The following ZNF566 variants were observed in gnomAD, a reference collection of about 807,000 sequenced individuals.
ZNF566 encodes zinc finger protein 566.
A neutral mutation model predicts 32.8 loss-of-function variants in ZNF566; 27 were observed. The ratio of observed to expected loss-of-function variants is 0.82; its 90% CI spans 0.61 to 1.14. The LOEUF is 1.14. ZNF566 is among the 50% of genes most tolerant of loss of function. ZNF566 has a pLI of 0.00. For synonymous variants in ZNF566, 154 were observed against 159.5 expected (o/e 0.97, Z 0.26); for missense variants, 402 against 490.4 (o/e 0.82, Z 1.70).
chr19:36,469,400 C>T (rs2033706575), intron 4 of ZNF566, among the ~76,000 whole-genome samples: 1 of 152,028 alleles, frequency 6.6e-6, no homozygotes. Context: ...ATTTGCCAGG[C>T]ATGGTGGCGG....
At chr19:36,455,872 T>C (rs552277777) in intron 4 of ZNF566, among the ~76,000 whole-genome samples, 6 of 152,128 alleles carry the variant, frequency 3.9e-5, no homozygotes, top group Admixed American at 2.0e-4. Context: ...AACCTCTCTC[T>C]ACTAAAAATA....
intron 1 of ZNF566, among the ~76,000 whole-genome samples, chr19:36,484,589 T>TTC (rs1181691137): frequency 1.1e-3 from 154 of 138,980 alleles, no homozygotes; most frequent in African/African-American, 3.7e-3. Context: ...CATAGTTTCT[T>TTC]TTTTTTTTTT....
In ZNF566 at chr19:36,488,778, A is replaced by C. The variant is rs959025481; in HGVS notation, c.-60+708T>G. Among the ~76,000 whole-genome samples, 31 of 152,222 alleles carry C rather than the reference A, an allele frequency of 2.0e-4. 1 individual carries two copies. The highest frequency in any genetic ancestry group is 2.1e-4 in the South Asian group (1 of 4,836). Reference sequence around the variant, plus strand: ...AAAAATAAACCAAAGACAGTATGACAACATTCATATAAAGTTTTAAAACGG... The same window carrying C: ...AAAAATAAACCAAAGACAGTATGACCACATTCATATAAAGTTTTAAAACGG... On this transcript the variant is annotated intron_variant, in intron 1 of 4. Coordinates refer to ENST00000452939, the MANE Select transcript of ZNF566 (RefSeq NM_001145344.1).
At chr19:36,456,628 T>C (rs978137878) in intron 4 of ZNF566, 9 of 151,834 alleles carry the variant, frequency 5.9e-5, no homozygotes, top group African/African-American at 2.2e-4. Flanking sequence ...AAATACCTAA[T>C]GTAGATGATG....
At chr19:36,465,965 G>A (rs1247619955) in intron 4 of ZNF566, among the ~76,000 whole-genome samples, 2 of 151,244 alleles carry the variant, frequency 1.3e-5, no homozygotes, top group Non-Finnish European at 2.9e-5. Context: ...GAAACACACA[G>A]ACGTTTTATG....
At chr19:36,476,308 A>G (rs1235763499) in intron 2 of ZNF566, 3 of 233,214 alleles carry the variant, frequency 1.3e-5, no homozygotes, top group Non-Finnish European at 2.5e-5. Context: ...TCCATCTCGA[A>G]AAAAAAAAAA....
intron 1 of ZNF566, among the ~76,000 whole-genome samples, chr19:36,481,788 A>G (rs2034039270): frequency 6.6e-6 from 1 of 152,220 alleles, no homozygotes; most frequent in South Asian, 2.1e-4. Flanking sequence ...GTTTCTAGTA[A>G]CAAAATATTG....
chr19:36,476,655 C>A, intron 1 of ZNF566, 39 bp from the exon 2 acceptor site: 15 of 1,520,764 alleles, frequency 9.9e-6, no homozygotes, highest in Non-Finnish European at 1.3e-5. Flanking sequence ...ACCCCACTTT[C>A]CTCACAGCTC....
At chr19:36,462,363 T>C (rs1419630089) in intron 4 of ZNF566, among the ~76,000 whole-genome samples, 2 of 152,086 alleles carry the variant, frequency 1.3e-5, no homozygotes, top group East Asian at 3.9e-4. Flanking sequence ...CTTAATACTT[T>C]CTAGTTCCCT....
chr19:36,485,509 C>A (rs891036348), intron 1 of ZNF566, among the ~76,000 whole-genome samples: 12 of 151,146 alleles, frequency 7.9e-5, no homozygotes, highest in Non-Finnish European at 1.5e-4. Context: ...TGCCTGTAAT[C>A]CCACTACTTT....
chr19:36,470,871 C>T (rs1203764422), intron 4 of ZNF566, among the ~76,000 whole-genome samples: 2 of 151,686 alleles, frequency 1.3e-5, no homozygotes, highest in Non-Finnish European at 2.9e-5. Context: ...GATCATGCCA[C>T]TGCACTCCAG....
chr19:36,463,570 T>G (rs1454257955), intron 4 of ZNF566, among the ~76,000 whole-genome samples: 1 of 137,172 alleles, frequency 7.3e-6, no homozygotes, highest in African/African-American at 2.8e-5. Context: ...TGAGGCAGAG[T>G]CTCGCTCTGT....
intron 4 of ZNF566, among the ~76,000 whole-genome samples, chr19:36,472,430 C>T (rs2033787562): frequency 6.6e-6 from 1 of 152,174 alleles, no homozygotes; most frequent in African/African-American, 2.4e-5. Flanking sequence ...TTAAACTCTG[C>T]AGCACCTAGC....
At chr19:36,465,357 T>C (rs1408650072) in intron 4 of ZNF566, among the ~76,000 whole-genome samples, 1 of 152,214 alleles carries the variant, frequency 6.6e-6, no homozygotes, top group Non-Finnish European at 1.5e-5. Context: ...GATCCTGCAA[T>C]GGTATTCCTA....
chr19:36,462,988 A>AAAAAAAAAAC (rs2033514084), intron 4 of ZNF566, among the ~76,000 whole-genome samples: 1 of 136,372 alleles, frequency 7.3e-6, no homozygotes, highest in Non-Finnish European at 1.6e-5. Flanking sequence ...AAAAAAAAAA[A>AAAAAAAAAAC]AATCCCATTT....
chr19:36,471,129 G>A (rs371073177), intron 4 of ZNF566, among the ~76,000 whole-genome samples: 12 of 150,436 alleles, frequency 8.0e-5, no homozygotes, highest in South Asian at 2.1e-4. Context: ...CAGGAGAATC[G>A]CTTGAACCTG....
At chr19:36,465,203 A>G (rs1225977020) in intron 4 of ZNF566, among the ~76,000 whole-genome samples, 1 of 152,148 alleles carries the variant, frequency 6.6e-6, no homozygotes, top group East Asian at 1.9e-4. Context: ...AAGAGTTCAT[A>G]CTCACCAATC....
At chr19:36,468,321 C>T (rs1210114593) in intron 4 of ZNF566, among the ~76,000 whole-genome samples, 2 of 151,586 alleles carry the variant, frequency 1.3e-5, no homozygotes, top group Non-Finnish European at 2.9e-5. Context: ...AATTAGGTAG[C>T]TCGGCTGGGT....
intron 4 of ZNF566, among the ~76,000 whole-genome samples, chr19:36,471,227 A>T (rs1031783804): frequency 6.6e-5 from 10 of 152,026 alleles, no homozygotes; most frequent in African/African-American, 1.4e-4. Context: ...AAAAAAAAAA[A>T]AAAAATAATG....
Sources: allele counts gnomAD v4.1 joint callset (sites outside exome capture counted in the v4.1 genomes callset), GRCh38; gene constraint gnomAD v4.1.1; transcripts MANE v1.5; gene names NCBI Gene and HGNC (gene_info 2026-07-23, HGNC 2026-07-21).